Variants in FRMD4B observed in about 807,000 individuals in gnomAD.
FRMD4B encodes FERM domain-containing protein 4B.
A neutral mutation model predicts 141.5 loss-of-function variants in FRMD4B; 74 were observed. The observed-to-expected ratio is 0.52, with a 90% CI of 0.43 to 0.63. FRMD4B has a LOEUF of 0.63. Among genes scored for constraint, FRMD4B ranks in the 30% least tolerant of loss-of-function variants. FRMD4B has a pLI of 0.00. For missense variants in FRMD4B, 1,366 were observed against 1,253.4 expected, an observed-to-expected ratio of 1.09 and a Z score of -1.36; for synonymous variants, 506 against 467.9, an observed-to-expected ratio of 1.08 and a Z score of -1.05.
At chr3:69,211,345 C>T (rs1044581135) in intron 11 of FRMD4B, among the ~76,000 whole-genome samples, 1 of 152,092 alleles carries the variant, frequency 6.6e-6, no homozygotes, top group Admixed American at 6.6e-5. Context: ...GTTGGGATGT[C>T]TCCCAAACTC....
intron 2 of FRMD4B, among the ~76,000 whole-genome samples, chr3:69,312,935 A>G (rs749788484): frequency 6.6e-6 from 1 of 152,168 alleles, no homozygotes; most frequent in Non-Finnish European, 1.5e-5. Context: ...ATAGTGCCAT[A>G]TATTTTACAA....
intron 1 of FRMD4B, among the ~76,000 whole-genome samples, chr3:69,509,755 C>A (rs1284625023): frequency 2.6e-5 from 4 of 151,808 alleles, no homozygotes; most frequent in Admixed American, 2.6e-4. Context: ...TTATGGCAAC[C>A]CTATATCAAG....
intron 1 of FRMD4B, among the ~76,000 whole-genome samples, chr3:69,449,168 AT>A (rs1456839548): frequency 6.6e-6 from 1 of 152,188 alleles, no homozygotes; most frequent in Admixed American, 6.5e-5. Context: ...AACCAACTTA[AT>A]AAGATACCAT....
intron 1 of FRMD4B, among the ~76,000 whole-genome samples, chr3:69,481,301 G>A (rs954896063): frequency 1.1e-4 from 17 of 152,120 alleles, no homozygotes; most frequent in South Asian, 4.1e-4. Flanking sequence ...TGTCTTCTGT[G>A]TCGCTCACGC....
intron 1 of FRMD4B, among the ~76,000 whole-genome samples, chr3:69,379,322 A>G (rs1263040990): frequency 2.0e-5 from 3 of 152,224 alleles, no homozygotes; most frequent in Non-Finnish European, 4.4e-5. Context: ...TCTATTGCCC[A>G]GGCTGAAATG....
intron 1 of FRMD4B, among the ~76,000 whole-genome samples, chr3:69,436,298 G>C (rs943636617): frequency 6.6e-6 from 1 of 152,108 alleles, no homozygotes. Flanking sequence ...ACTAAAAAAC[G>C]TAGGTGTTAC....
intron 1 of FRMD4B, among the ~76,000 whole-genome samples, chr3:69,434,284 G>A (rs1705226879): frequency 6.6e-6 from 1 of 152,178 alleles, no homozygotes; most frequent in Non-Finnish European, 1.5e-5. Context: ...TATTTGTTAA[G>A]TGTCCAACAT....
intron 1 of FRMD4B, among the ~76,000 whole-genome samples, chr3:69,375,358 G>T (rs1703945543): frequency 6.6e-6 from 1 of 151,222 alleles, no homozygotes; most frequent in African/African-American, 2.4e-5. Flanking sequence ...CCCATCTATT[G>T]GTCCATCCAT....
At chr3:69,318,976 T>G (rs1171773327) in intron 1 of FRMD4B, among the ~76,000 whole-genome samples, 1 of 152,234 alleles carries the variant, frequency 6.6e-6, no homozygotes, top group Non-Finnish European at 1.5e-5. Flanking sequence ...TTCTGTCATC[T>G]GAGTGAGCAA....
chr3:69,487,485 T>C (rs1706234024), intron 1 of FRMD4B, among the ~76,000 whole-genome samples: 1 of 152,146 alleles, frequency 6.6e-6, no homozygotes, highest in Non-Finnish European at 1.5e-5. Flanking sequence ...AGAAAGAGAC[T>C]ACAGGAGAAG....
chr3:69,244,726 TC>T (rs1050240523), intron 7 of FRMD4B, among the ~76,000 whole-genome samples: 9 of 152,030 alleles, frequency 5.9e-5, no homozygotes, highest in African/African-American at 2.2e-4. Context: ...AAAACTTGTC[TC>T]TACTAAAAAT....
chr3:69,439,197 T>A (rs951891364), intron 1 of FRMD4B, among the ~76,000 whole-genome samples: 12 of 152,250 alleles, frequency 7.9e-5, no homozygotes. Context: ...TATTAACTGT[T>A]GCATAGTGCT....
At chr3:69,384,823 C>G (rs938687231) in intron 1 of FRMD4B, among the ~76,000 whole-genome samples, 1 of 152,096 alleles carries the variant, frequency 6.6e-6, no homozygotes, top group Non-Finnish European at 1.5e-5. Context: ...TTGTCAAAAT[C>G]AAGTGCTTGA....
At chr3:69,212,444 T>A (rs11709719) in intron 11 of FRMD4B, among the ~76,000 whole-genome samples, 104,691 of 148,418 alleles carry the variant, frequency 0.71, 38,295 homozygotes, top group Non-Finnish European at 0.8. Context: ...AGGGTCTTTT[T>A]AAAAATGGAG....
In FRMD4B at chr3:69,197,056, G is replaced by A. The variant is rs2092914420; in HGVS notation, c.954-18C>T. The A allele has an allele frequency of 6.2e-7, 1 of 1,606,108 alleles. No homozygotes were observed. On this transcript the variant is annotated intron_variant, in intron 12 of 22. Coordinates refer to ENST00000398540, the MANE Select transcript of FRMD4B (RefSeq NM_015123.3). ...CTGAAATCCTGAAAGATTAAAGAAA[G>A]CACTCAAATAATTCCCCTCTGGCCC...
intron 1 of FRMD4B, chr3:69,536,245 G>A (rs760790949): frequency 3.3e-6 from 2 of 608,230 alleles, no homozygotes; most frequent in Non-Finnish European, 6.1e-6. Flanking sequence ...CCTTCCCCTT[G>A]GCCTTTTCCG....
chr3:69,488,794 G>A (rs1407272761), intron 1 of FRMD4B, among the ~76,000 whole-genome samples: 4 of 150,196 alleles, frequency 2.7e-5, no homozygotes, highest in African/African-American at 4.9e-5. Flanking sequence ...TCAGGAGGCT[G>A]AGGCAAGAGA....
chr3:69,475,328 G>T (rs1290586216), intron 1 of FRMD4B, among the ~76,000 whole-genome samples: 1 of 151,784 alleles, frequency 6.6e-6, no homozygotes, highest in African/African-American at 2.4e-5. Context: ...TTAGCATTAG[G>T]TATATCTCCT....
intron 1 of FRMD4B, among the ~76,000 whole-genome samples, chr3:69,502,284 C>T (rs1009257920): frequency 8.5e-5 from 13 of 152,300 alleles, no homozygotes; most frequent in Non-Finnish European, 1.8e-4. Context: ...TCAAACTATA[C>T]TACAAGGCTA....
Sources: allele counts gnomAD v4.1 joint callset (sites outside exome capture counted in the v4.1 genomes callset), GRCh38; gene constraint gnomAD v4.1.1; transcripts MANE v1.5; gene names NCBI Gene and HGNC (gene_info 2026-07-23, HGNC 2026-07-21).